Variants in KLRG1 observed in about 807,000 individuals in gnomAD.
The protein encoded by KLRG1 is killer cell lectin-like receptor subfamily G member 1.
KLRG1 carries 16 observed loss-of-function variants against 21.8 expected under a neutral mutation model. The observed-to-expected ratio is 0.73, with a 90% CI of 0.50 to 1.11. The LOEUF (loss-of-function observed/expected upper bound fraction) is 1.11. Ranked by LOEUF, KLRG1 falls within the 50% of genes most tolerant of loss-of-function variation. The pLI is 0.00. For missense variants in KLRG1, 173 were observed against 218.3 expected, an observed-to-expected ratio of 0.79 and a Z score of 1.31; for synonymous variants, 69 against 75.9, an observed-to-expected ratio of 0.91 and a Z score of 0.47.
At chr12:9,160,241 A>G in the KLRG1 span, 7 of 1,360,040 alleles carry the variant, frequency 5.1e-6, no homozygotes, top group Non-Finnish European at 6.1e-6. Flanking sequence ...TTAATATTTG[A>G]TGATATAACT....
the KLRG1 span, among the ~76,000 whole-genome samples, chr12:9,176,428 A>G: frequency 6.6e-6 from 1 of 152,236 alleles, no homozygotes; most frequent in Non-Finnish European, 1.5e-5. Flanking sequence ...AACCCTTCAC[A>G]TTCTGCACTT....
chr12:9,154,103 C>T, the KLRG1 span, among the ~76,000 whole-genome samples: 1 of 152,152 alleles, frequency 6.6e-6, no homozygotes, highest in Non-Finnish European at 1.5e-5. Flanking sequence ...TACTTTTAAT[C>T]ACACATTTTT....
At chr12:9,015,681 A>G (rs978724406), downstream of KLRG1, among the ~76,000 whole-genome samples, 1 of 152,190 alleles carries the variant, frequency 6.6e-6, no homozygotes, top group Non-Finnish European at 1.5e-5. Context: ...TTTACAGAAC[A>G]TTTTATCTAA....
At chr12:8,962,741 GA>G (rs1367801054) in intron 1 of KLRG1, among the ~76,000 whole-genome samples, 1 of 148,150 alleles carries the variant, frequency 6.7e-6, no homozygotes, top group African/African-American at 2.5e-5. Context: ...AAGAAAGAAA[GA>G]AAAAAAGTAA....
chr12:9,211,125 A>G, the KLRG1 span, among the ~76,000 whole-genome samples: 14 of 152,146 alleles, frequency 9.2e-5, no homozygotes, highest in African/African-American at 3.4e-4. Context: ...GGATTTTCGT[A>G]TCCCCATATT....
the KLRG1 span, among the ~76,000 whole-genome samples, chr12:9,130,650 A>AT: frequency 2.3e-4 from 35 of 150,236 alleles, no homozygotes; most frequent in Middle Eastern, 3.4e-3. Context: ...TAGTTATTTG[A>AT]TTTTTTTTTC....
At chr12:9,212,468 G>GT in the KLRG1 span, among the ~76,000 whole-genome samples, 3 of 150,850 alleles carry the variant, frequency 2.0e-5, no homozygotes, top group African/African-American at 7.3e-5. Flanking sequence ...ATCTTTTCTA[G>GT]TTTTTTTATG....
At chr12:9,027,986 A>G in the KLRG1 span, 5 of 1,052,798 alleles carry the variant, frequency 4.7e-6, no homozygotes, top group South Asian at 1.3e-5. Context: ...CATTCACAGT[A>G]TGGTATTTCT....
At chr12:9,173,514 T>TA in the KLRG1 span, among the ~76,000 whole-genome samples, 25 of 151,728 alleles carry the variant, frequency 1.6e-4, no homozygotes, top group African/African-American at 5.3e-4. Context: ...AAAACCCTCT[T>TA]AAAAAAACAA....
the KLRG1 span, among the ~76,000 whole-genome samples, chr12:9,031,130 G>A: frequency 6.6e-6 from 1 of 152,194 alleles, no homozygotes; most frequent in Non-Finnish European, 1.5e-5. Flanking sequence ...CAACCCCTCA[G>A]GCACTCCTGT....
At chr12:8,975,577 C>G (rs1037157850) in intron 1 of KLRG1, among the ~76,000 whole-genome samples, 8 of 147,952 alleles carry the variant, frequency 5.4e-5, no homozygotes, top group Non-Finnish European at 1.0e-4. Context: ...TTTTCTTTTT[C>G]TTTTGAGACA....
the KLRG1 span, among the ~76,000 whole-genome samples, chr12:9,202,095 A>G: frequency 6.6e-6 from 1 of 152,190 alleles, no homozygotes; most frequent in Non-Finnish European, 1.5e-5. Flanking sequence ...TAACAAATGC[A>G]GCTATTGCCA....
chr12:9,023,358 G>A, the KLRG1 span, among the ~76,000 whole-genome samples: 1 of 152,166 alleles, frequency 6.6e-6, no homozygotes, highest in Non-Finnish European at 1.5e-5. Flanking sequence ...ATTTTGTTGT[G>A]AGAGTATAGT....
the KLRG1 span, among the ~76,000 whole-genome samples, chr12:9,107,194 T>A: frequency 6.6e-6 from 1 of 152,064 alleles, no homozygotes; most frequent in South Asian, 2.1e-4. Flanking sequence ...ATGTGATAGG[T>A]TCTTGTTCAC....
At chr12:9,185,818 T>TCTTTTCTTTTCTTTTCTTTTC in the KLRG1 span, among the ~76,000 whole-genome samples, 4 of 150,290 alleles carry the variant, frequency 2.7e-5, no homozygotes, top group Non-Finnish European at 4.4e-5. Flanking sequence ...TCTTTTCTTT[T>TCTTTTCTTTTCTTTTCTTTTC]TTTTTTTCTT....
At chr12:9,157,886 A>G in the KLRG1 span, 1 of 1,484,418 alleles carries the variant, frequency 6.7e-7, no homozygotes, top group South Asian at 1.2e-5. Context: ...GCCAAGTGTT[A>G]GTATATTCTC....
chr12:9,107,959 GAAAC>G, the KLRG1 span, among the ~76,000 whole-genome samples: 4 of 150,658 alleles, frequency 2.7e-5, no homozygotes, highest in African/African-American at 4.9e-5. Flanking sequence ...CCAGCAAGAC[GAAAC>G]AAACAAAACA....
At chr12:9,109,195 G>A in the KLRG1 span, 4 of 657,294 alleles carry the variant, frequency 6.1e-6, no homozygotes, top group Non-Finnish European at 2.7e-6. Context: ...CTACAGATGA[G>A]GATGCTGTCA....
intron 1 of KLRG1, among the ~76,000 whole-genome samples, chr12:8,979,317 C>T (rs1269581174): frequency 6.6e-6 from 1 of 152,142 alleles, no homozygotes; most frequent in African/African-American, 2.4e-5. Flanking sequence ...TGCACCTGGC[C>T]TGTCCTTCAT....
Sources: allele counts gnomAD v4.1 joint callset (sites outside exome capture counted in the v4.1 genomes callset), GRCh38; gene constraint gnomAD v4.1.1; transcripts MANE v1.5; gene names NCBI Gene and HGNC (gene_info 2026-07-23, HGNC 2026-07-21).